Variants in MAGT1 observed in about 807,000 individuals in gnomAD.
MAGT1 encodes the protein magnesium transporter 1, also known as dolichyl-diphosphooligosaccharide--protein glycosyltransferase subunit MAGT1.
Under a neutral mutation model 28.4 loss-of-function variants are expected in MAGT1, and 4 were observed. The observed-to-expected ratio is 0.14, with a 90% CI of 0.07 to 0.32. The LOEUF (loss-of-function observed/expected upper bound fraction) is 0.32, where lower values mean the gene tolerates loss of function less well. Among genes scored for constraint, MAGT1 ranks in the 10% least tolerant of loss-of-function variants. MAGT1 has a pLI of 1.00. For missense variants in MAGT1, 193 were observed against 264.5 expected (o/e 0.73, Z 1.88); for synonymous variants, 89 against 89.7 (o/e 0.99, Z 0.04).
At chrX:77,884,933 G>A (rs1165208230) in intron 1 of MAGT1, among the ~76,000 whole-genome samples, 4 of 108,766 alleles carry the variant, frequency 3.7e-5, no homozygotes, top group African/African-American at 1.0e-4. Context: ...GCGGTGGCGG[G>A]TGCCTGTAGT....
intron 1 of MAGT1, among the ~76,000 whole-genome samples, chrX:77,880,607 C>T (rs1221992007): frequency 9.1e-6 from 1 of 110,324 alleles, no homozygotes; most frequent in African/African-American, 3.3e-5. Context: ...ATATGCCACA[C>T]ACGAAAAACC....
chrX:77,857,248 C>T (rs1482509696), intron 4 of MAGT1, 109 bp downstream of exon 4: 3 of 982,808 alleles, frequency 3.1e-6, no homozygotes, highest in African/African-American at 1.9e-5. Context: ...GAAGTGACTG[C>T]CAAACTAGTA....
chrX:77,894,719 T>A (rs1201127231), intron 1 of MAGT1, among the ~76,000 whole-genome samples: 2 of 111,944 alleles, frequency 1.8e-5, no homozygotes, highest in African/African-American at 3.2e-5. Context: ...TTCCACAAGA[T>A]CTTAGTTTTG....
At chrX:77,871,740 G>T (rs1557217345) in intron 2 of MAGT1, among the ~76,000 whole-genome samples, 1 of 110,161 alleles carries the variant, frequency 9.1e-6, no homozygotes, top group Non-Finnish European at 1.9e-5. Flanking sequence ...TACTCGGGAG[G>T]CTGAGGCAAG....
At chrX:77,862,840 A>C (rs1170677227) in intron 3 of MAGT1, among the ~76,000 whole-genome samples, 2 of 111,397 alleles carry the variant, frequency 1.8e-5, no homozygotes, top group Non-Finnish European at 3.8e-5. Context: ...TAAACGAACA[A>C]ACAAACAAAA....
At chrX:77,830,967 C>CTTATTTTA (rs2076896237) in intron 8 of MAGT1, 72 bp from the exon 9 acceptor site, 1 of 319,414 alleles carries the variant, frequency 3.1e-6, no homozygotes, top group Non-Finnish European at 5.2e-6. Context: ...TCTATACTTT[C>CTTATTTTA]TTTTTTTATT....
intron 7 of MAGT1, among the ~76,000 whole-genome samples, chrX:77,846,736 T>C (rs1240706157): frequency 1.8e-5 from 2 of 111,984 alleles, no homozygotes; most frequent in East Asian, 5.7e-4. Context: ...CAGTGGAGGT[T>C]GCAGAACAGC....
In MAGT1 at chrX:77,878,345, C is replaced by T. The variant is rs1289455798; in HGVS notation, c.103-2748G>A. Among the ~76,000 whole-genome samples, 7 of 95,180 alleles carry T rather than the reference C, an allele frequency of 7.4e-5. No individual in the cohort carries two copies. In the East Asian group the frequency reaches 1.3e-3, roughly 17 times the overall value. The allele number at this position is 95,180 out of a possible 115,157, so 82.7% of individuals were successfully genotyped here. ...AAATTTAGCCGGGCATGGTGGTGCA[C>T]GCCTGTAATCCCAGGTACTTGGGAG... On this transcript the variant is annotated intron_variant, in intron 1 of 9. Transcript: ENST00000618282.
intron 8 of MAGT1, among the ~76,000 whole-genome samples, chrX:77,840,006 A>C (rs2076930480): frequency 9.0e-6 from 1 of 111,615 alleles, no homozygotes; most frequent in Non-Finnish European, 1.9e-5. Flanking sequence ...TTGCCAAAAT[A>C]ATCTGTAATG....
chrX:77,881,579 A>ACAAAGG lies in MAGT1; in HGVS notation c.103-5988_103-5983dup, dbSNP rs2077052686. On this transcript the variant is annotated intron_variant, in intron 1 of 9. Coordinates refer to ENST00000618282, the MANE Select transcript of MAGT1 (RefSeq NM_001367916.1). ...GGTTTCCAGCTTCATCCATGTCCCT[A>ACAAAGG]CAAAGGACATGAACTCATCATTTTT... Among the ~76,000 whole-genome samples, 3 of 109,911 alleles carry ACAAAGG rather than the reference A, an allele frequency of 2.7e-5. No homozygotes were observed. In the South Asian group the frequency reaches 1.2e-3, roughly 44 times the overall value.
At chrX:77,865,563 G>T (rs2149021931) in intron 3 of MAGT1, among the ~76,000 whole-genome samples, 1 of 110,813 alleles carries the variant, frequency 9.0e-6, no homozygotes, top group Admixed American at 9.7e-5. Flanking sequence ...AAAGTGCTGG[G>T]ATTACAGGCG....
At chrX:77,879,568 C>A (rs1413967592) in intron 1 of MAGT1, among the ~76,000 whole-genome samples, 1 of 111,483 alleles carries the variant, frequency 9.0e-6, no homozygotes, top group African/African-American at 3.3e-5. Flanking sequence ...CTAGCACTTA[C>A]CATTTTAAGA....
chrX:77,855,275 T>C (rs2076978687), intron 6 of MAGT1, among the ~76,000 whole-genome samples: 1 of 109,685 alleles, frequency 9.1e-6, no homozygotes, highest in Admixed American at 9.8e-5. Context: ...ATCACGCCAT[T>C]GCACTCCAGC....
chrX:77,882,204 A>G (rs1414124289), intron 1 of MAGT1, among the ~76,000 whole-genome samples: 8 of 112,059 alleles, frequency 7.1e-5, no homozygotes, highest in Non-Finnish European at 1.3e-4. Context: ...TTGAATGTAC[A>G]AAAACTGGAA....
intron 1 of MAGT1, among the ~76,000 whole-genome samples, chrX:77,884,284 C>T (rs1044327184): frequency 8.9e-6 from 1 of 111,747 alleles, no homozygotes; most frequent in African/African-American, 3.2e-5. Flanking sequence ...TTCACAATGA[C>T]GTAATATTTT....
At chrX:77,847,385 T>C (rs1557215096) in intron 7 of MAGT1, among the ~76,000 whole-genome samples, 1 of 112,054 alleles carries the variant, frequency 8.9e-6, no homozygotes, top group African/African-American at 3.2e-5. Flanking sequence ...GCTTCCCGGG[T>C]GGGGCGATGC....
At chrX:77,846,905 G>C (rs1364501850) in intron 7 of MAGT1, among the ~76,000 whole-genome samples, 1 of 111,983 alleles carries the variant, frequency 8.9e-6, no homozygotes, top group Non-Finnish European at 1.9e-5. Flanking sequence ...GAGGCAGTCT[G>C]TCCGTTCTCA....
intron 3 of MAGT1, among the ~76,000 whole-genome samples, chrX:77,865,584 G>A (rs1557216833): frequency 2.7e-5 from 3 of 110,439 alleles, no homozygotes; most frequent in Non-Finnish European, 1.9e-5. Context: ...TGAGCCAACC[G>A]CACCTGGCTG....
rs1557213155 is a variant in MAGT1 at position 77,829,186 on chromosome X, A to G, written c.*34T>C. Reference sequence around the variant, plus strand: ...ACACGATTTTCGTTTTTCAATTTCCAGTACTCCAGTGTCTATATATCTCTG... The same window carrying G: ...ACACGATTTTCGTTTTTCAATTTCCGGTACTCCAGTGTCTATATATCTCTG... On this transcript the variant is annotated 3_prime_UTR_variant, in exon 10 of 10. Transcript: ENST00000618282. 2 of 1,175,964 alleles carry G rather than the reference A, an allele frequency of 1.7e-6. No homozygotes were observed. Among genetic ancestry groups the G allele is most frequent in the Non-Finnish European group, 2.3e-6 (2 of 864,518 alleles).
Sources: allele counts gnomAD v4.1 joint callset (sites outside exome capture counted in the v4.1 genomes callset), GRCh38; gene constraint gnomAD v4.1.1; transcripts MANE v1.5; gene names NCBI Gene and HGNC (gene_info 2026-07-23, HGNC 2026-07-21).